The following CEP250 variants were observed in gnomAD, a reference collection of about 807,000 sequenced individuals.
CEP250 encodes centrosome-associated protein CEP250.
In CEP250, 242 loss-of-function variants were observed where a neutral mutation model predicts 315.7. That is an observed-to-expected ratio of 0.77 (90% confidence interval 0.69 to 0.85). The LOEUF is 0.85. Among genes scored for constraint, CEP250 ranks in the 40% least tolerant of loss-of-function variants. The probability of loss-of-function intolerance (pLI) is 0.00; values close to 1 mark genes in which losing one functional copy is unlikely to be tolerated. For missense variants in CEP250, 2,515 were observed against 2,886.4 expected, an observed-to-expected ratio of 0.87 and a Z score of 2.95; for synonymous variants, 1,088 against 1,175.0, an observed-to-expected ratio of 0.93 and a Z score of 1.51.
intron 3 of CEP250, 72 bp downstream of exon 3, chr20:35,460,177 C>G: frequency 6.6e-6 from 1 of 152,258 alleles, no homozygotes; most frequent in South Asian, 2.1e-4. Context: ...AGGTTGTATT[C>G]CCCTGGTTCG....
intron 15 of CEP250, chr20:35,476,161 A>C (rs550457812): frequency 5.2e-5 from 16 of 306,726 alleles, no homozygotes; most frequent in Non-Finnish European, 9.2e-5. Flanking sequence ...ACTCTTCCAA[A>C]CTATATTAAT....
At chr20:35,489,015 G>A (rs895625101) in intron 20 of CEP250, among the ~76,000 whole-genome samples, 5 of 151,962 alleles carry the variant, frequency 3.3e-5, no homozygotes, top group South Asian at 2.1e-4. Context: ...GTGAAACCAT[G>A]TCTCTACTAA....
Position 35,503,370 on chromosome 20 carries a change from T to C in CEP250, c.5001T>C (p.Ile1667=). Residue 1667 remains isoleucine (I), a synonymous_variant, in exon 30 of 35, where the codon ATT becomes ATC. Transcript: ENST00000397527. The surrounding 1 kb of genome is among the most constrained non-coding windows in gnomAD (Gnocchi z 4.2). The part of the protein sequence containing the change: ...DQELMLQKER[I]QVLEDQRTRQ... The stretch of plus-strand genomic sequence containing the variant: ...AGCTGATGCTGCAGAAGGAGAGGAT[T>C]CAGGTTCTCGAGGATCAGAGGACCC... The C allele has an allele frequency of 6.2e-7, 1 of 1,613,908 alleles. No homozygotes were observed. Among genetic ancestry groups the C allele is most frequent in the Non-Finnish European group, 8.5e-7 (1 of 1,179,968 alleles).
chr20:35,461,499 C>G (rs760401353), intron 3 of CEP250, among the ~76,000 whole-genome samples: 2 of 152,238 alleles, frequency 1.3e-5, no homozygotes, highest in Non-Finnish European at 2.9e-5. Flanking sequence ...TTTGGCCCAG[C>G]TCCTGGTGGG....
At chr20:35,490,243 G>C (rs2063647199) in intron 20 of CEP250, among the ~76,000 whole-genome samples, 1 of 152,072 alleles carries the variant, frequency 6.6e-6, no homozygotes, top group Admixed American at 6.5e-5. Flanking sequence ...AACCTGAAAG[G>C]TGGAGGTTGC....
Position 35,494,475 on chromosome 20 carries a change from A to G in CEP250, c.3034-49A>G, listed in dbSNP as rs771673492. 6.2e-6 allele frequency: 10 copies of G among 1,609,446 alleles called. No individual in the cohort carries two copies. The South Asian group carries it at 1.1e-4, about 18-fold the overall frequency. ...AGCCCTAGGTGAGGAGCATCTTCCC[A>G]CCGGCCCCCTGCCCTGCCATCTTGG... On this transcript the variant is annotated intron_variant, in intron 23 of 34. Coordinates refer to ENST00000397527, the MANE Select transcript of CEP250 (RefSeq NM_007186.6).
In CEP250 at chr20:35,480,056, C is replaced by G; in HGVS notation, c.2497C>G (p.Leu833Val). The G allele has an allele frequency of 6.2e-7, 1 of 1,613,214 alleles. No homozygotes were observed. The highest frequency in any genetic ancestry group is 8.5e-7 in the Non-Finnish European group (1 of 1,180,030). The change falls in exon 20 of 35, where the codon CTG (leucine) becomes GTG (valine). Residue 833 changes from leucine to valine, a missense_variant. Transcript: ENST00000397527. ...GGAGCGGGATGCTGCAGCCAGACAG[C>G]TGGCCCAGGCTGAGCAAGAAGGGAA... is the stretch of plus-strand genomic sequence containing the variant. ...EQERDAAARQ[L>V]AQAEQEGKTA...
At chr20:35,475,767 C>A in intron 15 of CEP250, 121 bp downstream of exon 15, 1 of 1,082,336 alleles carries the variant, frequency 9.2e-7, no homozygotes, top group Non-Finnish European at 1.3e-6. Context: ...CATTAGTCTG[C>A]TTCTGGGTTC....
At position 35,502,636 on chromosome 20, in the gene CEP250, T is replaced by C. The variant is rs1342733742; in HGVS notation, c.4267T>C (p.Leu1423=). The C allele has an allele frequency of 6.2e-7, 1 of 1,614,162 alleles. No homozygotes were observed. The highest frequency in any genetic ancestry group is 8.5e-7 in the Non-Finnish European group (1 of 1,180,038). ...VAQGKALQEN[L]ALLTQTLAER... The stretch of plus-strand genomic sequence containing the variant: ...CCAAGGGAAGGCTCTGCAAGAGAAT[T>C]TGGCCCTCCTGACCCAGACCCTAGC... The change falls in exon 30 of 35, where the codon TTG becomes CTG. Residue 1423 remains leucine, a synonymous_variant. Transcript: ENST00000397527.
rs2064361092 is a variant in CEP250, at chr20:35,511,546, T to C, written c.7249T>C (p.Ser2417Pro). Residue 2417 changes from serine (S) to proline (P), a missense_variant, in exon 35 of 35, where the codon TCC (serine) becomes CCC (proline). Transcript: ENST00000397527. Reference protein sequence around the residue: ...LEAETRRLDESLTQSLTSPGP... With the variant: ...LEAETRRLDEPLTQSLTSPGP... ...GGCAGAGACCCGCAGGCTGGATGAG[T>C]CCCTGACTCAAAGTCTGACATCCCC... 1.2e-6 allele frequency: 2 copies of C among 1,613,560 alleles called. No individual in the cohort carries two copies. The highest frequency in any genetic ancestry group is 1.7e-6 in the Non-Finnish European group (2 of 1,179,942).
chr20:35,491,116 A>T, intron 21 of CEP250, 96 bp from the exon 22 acceptor site: 1 of 1,442,754 alleles, frequency 6.9e-7, no homozygotes, highest in Non-Finnish European at 9.4e-7. Flanking sequence ...CCCATTTGCT[A>T]GGAGAGCCCT....
intron 2 of CEP250, among the ~76,000 whole-genome samples, chr20:35,459,009 C>T (rs964569831): frequency 3.1e-5 from 3 of 97,942 alleles, no homozygotes; most frequent in South Asian, 3.7e-4. Flanking sequence ...TGGAGCCTTG[C>T]TCTTGTCGCC....
intron 15 of CEP250, 97 bp from the exon 16 acceptor site, chr20:35,476,352 T>G: frequency 8.6e-7 from 1 of 1,156,648 alleles, no homozygotes; most frequent in Non-Finnish European, 1.2e-6. Flanking sequence ...TATTAACTGA[T>G]CTCTGTACCA....
At chr20:35,474,221 C>T (rs552038720) in intron 14 of CEP250, among the ~76,000 whole-genome samples, 169 bp downstream of exon 14, 82 of 152,234 alleles carry the variant, frequency 5.4e-4, no homozygotes, top group African/African-American at 1.9e-3. Context: ...ATGGAAAGTT[C>T]GTGGTTGGTT....
At chr20:35,488,210 T>C (rs775150314) in intron 20 of CEP250, among the ~76,000 whole-genome samples, 3 of 152,236 alleles carry the variant, frequency 2.0e-5, no homozygotes, top group Non-Finnish European at 2.9e-5. Flanking sequence ...CTAACTCACA[T>C]AGAGCAAATA....
At chr20:35,473,696 C>CT in intron 13 of CEP250, 144 bp downstream of exon 13, 1 of 1,088,232 alleles carries the variant, frequency 9.2e-7, no homozygotes, top group Non-Finnish European at 1.3e-6. Context: ...CAGTGTTTCA[C>CT]TTGTTTCTCC....
rs1568856042 is a variant in CEP250 at position 35,515,909 on chromosome 20, G to T, written c.*4283G>T. On this transcript the variant is annotated 3_prime_UTR_variant, in exon 35 of 35. Coordinates refer to ENST00000397527, the MANE Select transcript of CEP250 (RefSeq NM_007186.6). Reference sequence around the variant, plus strand: ...GAGGCCCTTTTACTCCCTCTACCCTGCTGGAGGTGAGGATGAGAGGTGAGA... The same window carrying T: ...GAGGCCCTTTTACTCCCTCTACCCTTCTGGAGGTGAGGATGAGAGGTGAGA... 1 of 152,268 alleles carries T rather than the reference G, an allele frequency of 6.6e-6. No homozygotes were observed. The highest frequency in any genetic ancestry group is 1.5e-5 in the Non-Finnish European group (1 of 68,066). 9.4% of individuals were successfully genotyped at this position (152,268 alleles called of 1,614,324 possible).
At chr20:35,457,800 A>G (rs1268038055) in intron 1 of CEP250, among the ~76,000 whole-genome samples, 4 of 151,666 alleles carry the variant, frequency 2.6e-5, no homozygotes, top group Non-Finnish European at 5.9e-5. Flanking sequence ...TCCTGTCTCA[A>G]AAACAAAACA....
chr20:35,509,734 A>G (rs1294182845), intron 33 of CEP250, among the ~76,000 whole-genome samples: 1 of 152,262 alleles, frequency 6.6e-6, no homozygotes, highest in African/African-American at 2.4e-5. Flanking sequence ...GTTAAATTAA[A>G]ACATGCCTCA....
Sources: allele counts gnomAD v4.1 joint callset (sites outside exome capture counted in the v4.1 genomes callset), GRCh38; gene constraint gnomAD v4.1.1; non-coding constraint Gnocchi (gnomAD v3.1); transcripts MANE v1.5; gene names NCBI Gene and HGNC (gene_info 2026-07-23, HGNC 2026-07-21).